Variants in WDFY4 observed in about 807,000 individuals in gnomAD.
The protein encoded by WDFY4 is WD repeat- and FYVE domain-containing protein 4.
WDFY4 carries 169 observed loss-of-function variants against 351.9 expected under a neutral mutation model. The observed-to-expected ratio is 0.48, with a 90% CI of 0.42 to 0.55. The LOEUF (loss-of-function observed/expected upper bound fraction) is 0.55. WDFY4 is among the 20% of genes least tolerant of loss of function. The probability of loss-of-function intolerance (pLI) is 0.00; values close to 1 mark genes in which losing one functional copy is unlikely to be tolerated. For missense variants in WDFY4, 3,803 were observed against 3,935.6 expected (o/e 0.97, Z 0.90); for synonymous variants, 1,622 against 1,574.6 (o/e 1.03, Z -0.71).
intron 47 of WDFY4, among the ~76,000 whole-genome samples, chr10:48,918,641 G>A (rs544713937): frequency 3.2e-4 from 48 of 152,328 alleles, no homozygotes; most frequent in South Asian, 1.0e-3. Flanking sequence ...ATCAATACTT[G>A]TCTCTCAGCA....
rs1228668886 is a variant in WDFY4 at position 48,975,136 on chromosome 10, C to T, written c.9108+95C>T. ...AAGCCCAGAGACACAGAGACTCTAG[C>T]CACCCCAGAATGCTGAGAGGGCCCC... is the stretch of plus-strand genomic sequence containing the variant. On this transcript the variant is annotated intron_variant, in intron 58 of 61. Transcript: ENST00000325239. The T allele has an allele frequency of 2.0e-6, 3 of 1,505,358 alleles. No individual in the cohort carries two copies. The African/African-American group carries it at 4.2e-5, about 21-fold the overall frequency. The allele number at this position is 1,505,358 out of a possible 1,614,324, so 93.3% of individuals were successfully genotyped here. A position where few individuals can be genotyped will look rare whatever the true frequency, so the allele number is the denominator to read the frequency against.
chr10:48,912,316 T>C (rs12267434), intron 47 of WDFY4, among the ~76,000 whole-genome samples: 12,788 of 152,284 alleles, frequency 0.084, 1,190 homozygotes, highest in African/African-American at 0.23. Context: ...CTGCCTGTTT[T>C]AGAGGCACAG....
At chr10:48,944,100 C>T (rs569100988) in intron 49 of WDFY4, among the ~76,000 whole-genome samples, 1 of 152,322 alleles carries the variant, frequency 6.6e-6, no homozygotes, top group African/African-American at 2.4e-5. Context: ...GAGGCAGTCA[C>T]AGGTGAAGTG....
At chr10:48,941,175 G>A (rs1000864461) in intron 47 of WDFY4, among the ~76,000 whole-genome samples, 3 of 152,166 alleles carry the variant, frequency 2.0e-5, no homozygotes, top group African/African-American at 7.2e-5. Context: ...AGATGAATGC[G>A]AAAGGGCAGT....
intron 43 of WDFY4, among the ~76,000 whole-genome samples, chr10:48,890,240 A>C (rs930323831): frequency 2.6e-4 from 39 of 152,034 alleles, no homozygotes; most frequent in Admixed American, 7.9e-4. Context: ...AACTTTCCTC[A>C]CAGTTAACTG....
At chr10:48,736,094 A>G in intron 11 of WDFY4, 24 bp downstream of exon 11, 1 of 1,551,560 alleles carries the variant, frequency 6.4e-7, no homozygotes, top group Non-Finnish European at 8.7e-7. Context: ...CTCCTTTGAG[A>G]TTGGCTTCCC....
intron 43 of WDFY4, among the ~76,000 whole-genome samples, chr10:48,879,017 A>G (rs1185866930): frequency 6.6e-6 from 1 of 152,246 alleles, no homozygotes; most frequent in Non-Finnish European, 1.5e-5. Flanking sequence ...GTGTATATTC[A>G]TAATATCCAG....
chr10:48,760,555 G>A (rs2065472269), intron 13 of WDFY4, 115 bp downstream of exon 13: 4 of 1,001,720 alleles, frequency 4.0e-6, no homozygotes, highest in East Asian at 2.6e-5. Flanking sequence ...CCCTGCGTTA[G>A]CAGAGCTCCC....
At chr10:48,784,359 A>G in intron 19 of WDFY4, among the ~76,000 whole-genome samples, 1 of 152,132 alleles carries the variant, frequency 6.6e-6, no homozygotes, top group East Asian at 1.9e-4. Flanking sequence ...CTATTTTTAT[A>G]TTAGCCATTT....
chr10:48,914,008 T>C (rs772663121), intron 47 of WDFY4: 11 of 1,614,082 alleles, frequency 6.8e-6, no homozygotes, highest in Middle Eastern at 1.6e-4. Flanking sequence ...TCCATGTCAC[T>C]AAGGCGCAGA....
intron 23 of WDFY4, among the ~76,000 whole-genome samples, chr10:48,795,496 T>TATATATATATATATATATATATATATAC (rs2066828759): frequency 4.7e-5 from 2 of 42,788 alleles, no homozygotes; most frequent in Non-Finnish European, 8.7e-5. Flanking sequence ...TGTCTGTATA[T>TATATATATATATATATATATATATATAC]ATATATATAT....
intron 12 of WDFY4, among the ~76,000 whole-genome samples, chr10:48,751,745 T>G (rs2065189240): frequency 6.6e-6 from 1 of 152,168 alleles, no homozygotes; most frequent in East Asian, 1.9e-4. Flanking sequence ...TCCTGAAGTT[T>G]GATAGAGTCC....
chr10:48,955,225 A>G (rs1015843282), intron 51 of WDFY4, among the ~76,000 whole-genome samples: 3 of 152,172 alleles, frequency 2.0e-5, no homozygotes, highest in Admixed American at 2.0e-4. Flanking sequence ...TTTAAATTTG[A>G]TGGTGGACGT....
chr10:48,808,036 A>G (rs921147855), intron 28 of WDFY4, 78 bp downstream of exon 28: 12 of 1,213,830 alleles, frequency 9.9e-6, no homozygotes, highest in Non-Finnish European at 1.0e-5. Context: ...TCTTAATGAA[A>G]AGTTTAGCAT....
chr10:48,943,406 A>G lies in WDFY4; in HGVS notation c.7706A>G (p.Gln2569Arg). The G allele has an allele frequency of 1.3e-6, 2 of 1,551,912 alleles. No individual in the cohort carries two copies. Among genetic ancestry groups the G allele is most frequent in the Non-Finnish European group, 1.7e-6 (2 of 1,147,022 alleles). ...GGGAGAACCTGCAATGACTACATGC[A>G]GTACCCAGTGTTCCCCTGGGTCCTC... ...AAGRTCNDYM[Q>R]YPVFPWVLAD... Residue 2569 changes from glutamine to arginine, a missense_variant, in exon 49 of 62, where the codon CAG (glutamine) becomes CGG (arginine). Coordinates refer to ENST00000325239, the MANE Select transcript of WDFY4 (RefSeq NM_001394531.1).
At chr10:48,857,750 CT>C (rs1404511642) in intron 39 of WDFY4, among the ~76,000 whole-genome samples, 1 of 151,924 alleles carries the variant, frequency 6.6e-6, no homozygotes, top group African/African-American at 2.4e-5. Context: ...TTATTCACAT[CT>C]TTTGTACATT....
chr10:48,797,279 G>A (rs905805083), intron 24 of WDFY4, among the ~76,000 whole-genome samples: 1 of 152,136 alleles, frequency 6.6e-6, no homozygotes, highest in Non-Finnish European at 1.5e-5. Flanking sequence ...GAGAGAGAAG[G>A]CAGGCCCAAG....
intron 34 of WDFY4, among the ~76,000 whole-genome samples, chr10:48,821,883 A>G (rs1361134399): frequency 6.6e-6 from 1 of 152,202 alleles, no homozygotes; most frequent in African/African-American, 2.4e-5. Context: ...ATGCGACCCT[A>G]GTCAGGTGCC....
At chr10:48,795,536 C>T (rs11101489) in intron 23 of WDFY4, among the ~76,000 whole-genome samples, 9,024 of 65,980 alleles carry the variant, frequency 0.14, 1,270 homozygotes, top group East Asian at 0.46. Flanking sequence ...TATATATATA[C>T]ACACACATGA....
Sources: allele counts gnomAD v4.1 joint callset (sites outside exome capture counted in the v4.1 genomes callset), GRCh38; gene constraint gnomAD v4.1.1; transcripts MANE v1.5; gene names NCBI Gene and HGNC (gene_info 2026-07-23, HGNC 2026-07-21).